TIMM23B: variants seen among roughly 807,000 people sequenced by gnomAD.
The protein encoded by TIMM23B is mitochondrial import inner membrane translocase subunit Tim23B.
In TIMM23B, 27 loss-of-function variants were observed where a neutral mutation model predicts 27.3. That is an observed-to-expected ratio of 0.99 (90% CI 0.73 to 1.36). The LOEUF (loss-of-function observed/expected upper bound fraction) is 1.36, where lower values mean the gene tolerates loss of function less well. Among genes scored for constraint, TIMM23B ranks in the 40% most tolerant of loss-of-function variants. The pLI is 0.00. For missense variants in TIMM23B, 205 were observed against 244.2 expected (o/e 0.84, Z 1.07); for synonymous variants, 73 against 92.4 (o/e 0.79, Z 1.21).
intron 1 of TIMM23B, among the ~76,000 whole-genome samples, chr10:49,944,038 T>C (rs61847103): frequency 6.6e-6 from 1 of 152,094 alleles, no homozygotes; most frequent in Non-Finnish European, 1.5e-5. Flanking sequence ...AAATTTGGCA[T>C]GTTTAAGGAA....
intron 6 of TIMM23B, among the ~76,000 whole-genome samples, chr10:49,964,783 G>GTGAAA (rs1320396131): frequency 1.3e-5 from 2 of 151,606 alleles, no homozygotes; most frequent in Non-Finnish European, 2.9e-5. Flanking sequence ...GAAATGCCGG[G>GTGAAA]TGAAATGAAA....
At chr10:49,956,332 G>C (rs1215190062) in intron 5 of TIMM23B, among the ~76,000 whole-genome samples, 3 of 151,642 alleles carry the variant, frequency 2.0e-5, no homozygotes, top group Non-Finnish European at 4.4e-5. Context: ...TGGCTTGGGG[G>C]AAGATACTTT....
intron 6 of TIMM23B, among the ~76,000 whole-genome samples, chr10:49,960,888 A>G (rs1839873760): frequency 6.6e-6 from 1 of 152,034 alleles, no homozygotes; most frequent in Non-Finnish European, 1.5e-5. Context: ...TGGCATGGAA[A>G]GCTAAGGTAA....
At chr10:49,968,702 G>A (rs56411646) in intron 6 of TIMM23B, among the ~76,000 whole-genome samples, 28,021 of 151,138 alleles carry the variant, frequency 0.19, 2,521 homozygotes, top group Non-Finnish European at 0.26. Context: ...GGGCATGGTG[G>A]TGGGTGCCTG....
intron 6 of TIMM23B, among the ~76,000 whole-genome samples, chr10:49,971,492 A>G (rs1554856565): frequency 6.6e-6 from 1 of 152,186 alleles, no homozygotes; most frequent in Non-Finnish European, 1.5e-5. Context: ...AAAACACACA[A>G]ATGAAATATA....
intron 6 of TIMM23B, among the ~76,000 whole-genome samples, chr10:49,964,165 A>G (rs1358055779): frequency 6.6e-6 from 1 of 152,134 alleles, no homozygotes; most frequent in East Asian, 1.9e-4. Context: ...AGCCTGGGTG[A>G]TAGAGCGAGT....
At chr10:49,960,023 C>G (rs1839845759) in intron 6 of TIMM23B, among the ~76,000 whole-genome samples, 1 of 150,666 alleles carries the variant, frequency 6.6e-6, no homozygotes, top group Non-Finnish European at 1.5e-5. Context: ...GCTAGGATTA[C>G]AGGCGTGAGC....
intron 6 of TIMM23B, among the ~76,000 whole-genome samples, chr10:49,966,876 G>A (rs1554855533): frequency 6.6e-6 from 1 of 152,166 alleles, no homozygotes; most frequent in African/African-American, 2.4e-5. Flanking sequence ...CTATCTGACA[G>A]CTGCTAGTTT....
chr10:49,964,581 TAATG>T (rs1840051194), intron 6 of TIMM23B, among the ~76,000 whole-genome samples: 1 of 146,150 alleles, frequency 6.8e-6, no homozygotes, highest in African/African-American at 2.6e-5. Context: ...TGAAATGAAA[TAATG>T]AAATGAATAA....
chr10:49,953,936 G>A (rs1839623003), intron 4 of TIMM23B, among the ~76,000 whole-genome samples: 1 of 152,180 alleles, frequency 6.6e-6, no homozygotes, highest in South Asian at 2.1e-4. Flanking sequence ...ATACAAATTT[G>A]GAAGTAGATC....
intron 4 of TIMM23B, among the ~76,000 whole-genome samples, chr10:49,954,733 C>CTTATTATTATTA (rs1262233769): frequency 2.1e-4 from 30 of 145,034 alleles, no homozygotes; most frequent in African/African-American, 6.5e-4. Context: ...AAGAGTTTTC[C>CTTATTATTATTA]TTATTATTAT....
chr10:49,948,078 G>T (rs2133054195), intron 2 of TIMM23B, among the ~76,000 whole-genome samples: 1 of 152,318 alleles, frequency 6.6e-6, no homozygotes, highest in Non-Finnish European at 1.5e-5. Flanking sequence ...CAAAGGATTT[G>T]AGTAGACATT....
intron 1 of TIMM23B, chr10:49,943,297 C>G (rs1203395627): frequency 1.3e-5 from 2 of 151,982 alleles, no homozygotes; most frequent in Non-Finnish European, 2.9e-5. Context: ...TTCACTGAAG[C>G]CTGGCACTCC....
chr10:49,947,844 C>G (rs1369092393), intron 2 of TIMM23B, among the ~76,000 whole-genome samples: 1 of 152,092 alleles, frequency 6.6e-6, no homozygotes, highest in Non-Finnish European at 1.5e-5. Flanking sequence ...GTGGGAGGAT[C>G]ACTTGAGTCC....
At chr10:49,954,947 T>C in intron 4 of TIMM23B, 55 bp from the exon 5 acceptor site, 1 of 1,608,824 alleles carries the variant, frequency 6.2e-7, no homozygotes, top group Non-Finnish European at 8.5e-7. Context: ...TTTTTAAAGA[T>C]TACTAGAGAA....
chr10:49,950,630 C>G (rs1184456280), intron 2 of TIMM23B, among the ~76,000 whole-genome samples: 1 of 151,186 alleles, frequency 6.6e-6, no homozygotes, highest in Non-Finnish European at 1.5e-5. Flanking sequence ...GCAACCTCCA[C>G]CCCCGGGTTC....
At chr10:49,954,035 C>T (rs1280116543) in intron 4 of TIMM23B, among the ~76,000 whole-genome samples, 1 of 152,158 alleles carries the variant, frequency 6.6e-6, no homozygotes, top group African/African-American at 2.4e-5. Context: ...ACTTAAAATA[C>T]GTTAGTAAAT....
chr10:49,962,059 A>G (rs1839935905), intron 6 of TIMM23B, among the ~76,000 whole-genome samples: 1 of 152,040 alleles, frequency 6.6e-6, no homozygotes, highest in Admixed American at 6.6e-5. Flanking sequence ...TAAACCCTGC[A>G]TTAACATCTC....
At chr10:49,958,613 G>A in intron 6 of TIMM23B, 133 bp downstream of exon 6, 1 of 843,768 alleles carries the variant, frequency 1.2e-6, no homozygotes, top group South Asian at 1.7e-5. Flanking sequence ...TTTTGGTTTG[G>A]TTTGGTTTTT....
Sources: gnomAD v4.1 joint callset for allele counts (sites outside exome capture counted in the v4.1 genomes callset) on GRCh38, gnomAD v4.1.1 for gene constraint, MANE v1.5 for transcripts, NCBI Gene and HGNC (gene_info 2026-07-23, HGNC 2026-07-21) for gene names.